The following GBE1 variants were observed in gnomAD, a reference collection of about 807,000 sequenced individuals.
The protein encoded by GBE1 is 1,4-alpha-glucan-branching enzyme.
Under a neutral mutation model 88.8 loss-of-function variants are expected in GBE1, and 70 were observed. The ratio of observed to expected loss-of-function variants is 0.79; its 90% CI spans 0.65 to 0.96. GBE1 has a LOEUF of 0.96. Among genes scored for constraint, GBE1 ranks in the 40% least tolerant of loss-of-function variants. GBE1 has a pLI of 0.00. For missense variants in GBE1, 872 were observed against 871.0 expected (o/e 1.00, Z -0.01); for synonymous variants, 284 against 300.1 (o/e 0.95, Z 0.56).
chr3:81,750,664 T>C (rs57240384), intron 1 of GBE1, among the ~76,000 whole-genome samples: 14 of 80,914 alleles, frequency 1.7e-4, no homozygotes, highest in Middle Eastern at 4.9e-3. Context: ...TATATGTATA[T>C]ATATATATAC....
chr3:81,754,363 T>C (rs1382910211), intron 1 of GBE1, among the ~76,000 whole-genome samples: 3 of 152,076 alleles, frequency 2.0e-5, no homozygotes, highest in Non-Finnish European at 4.4e-5. Context: ...AGGATTAATA[T>C]TGTTAAAATG....
intron 1 of GBE1, among the ~76,000 whole-genome samples, chr3:81,752,928 G>T (rs865921699): frequency 1.3e-5 from 2 of 152,084 alleles, no homozygotes; most frequent in Middle Eastern, 3.2e-3. Flanking sequence ...TGATATATTA[G>T]TTTGCTAATA....
intron 14 of GBE1, among the ~76,000 whole-genome samples, chr3:81,505,955 C>T (rs145875102): frequency 0.012 from 1,798 of 152,002 alleles, 12 homozygotes; most frequent in Middle Eastern, 0.02. Flanking sequence ...AAATCTAAAG[C>T]CAAAACTATA....
chr3:81,633,159 T>A (rs1047246560), intron 7 of GBE1, among the ~76,000 whole-genome samples: 1 of 152,156 alleles, frequency 6.6e-6, no homozygotes, highest in African/African-American at 2.4e-5. Context: ...TCAATGCTTG[T>A]AGTTATGTTT....
At chr3:81,750,879 C>T (rs574413371) in intron 1 of GBE1, among the ~76,000 whole-genome samples, 7 of 150,776 alleles carry the variant, frequency 4.6e-5, no homozygotes, top group Admixed American at 4.6e-4. Context: ...CAGGTTTCAC[C>T]ATATTGGCCA....
chr3:81,683,015 AT>A, intron 2 of GBE1, among the ~76,000 whole-genome samples: 1 of 152,312 alleles, frequency 6.6e-6, no homozygotes, highest in Non-Finnish European at 1.5e-5. Context: ...ATATGATACC[AT>A]TTATATGAAA....
chr3:81,645,090 T>A (rs1349716155), intron 6 of GBE1, among the ~76,000 whole-genome samples: 1 of 152,194 alleles, frequency 6.6e-6, no homozygotes, highest in African/African-American at 2.4e-5. Context: ...AAATATATAC[T>A]TTCTGAAGTT....
At chr3:81,747,582 T>G (rs1706434006) in intron 1 of GBE1, among the ~76,000 whole-genome samples, 1 of 152,138 alleles carries the variant, frequency 6.6e-6, no homozygotes, top group African/African-American at 2.4e-5. Flanking sequence ...AGCCAAGCCA[T>G]CACATCCCCT....
chr3:81,750,109 A>T (rs1706475803), intron 1 of GBE1, among the ~76,000 whole-genome samples: 1 of 136,372 alleles, frequency 7.3e-6, no homozygotes, highest in African/African-American at 2.6e-5. Context: ...ACTGCCAATC[A>T]AAATGGTCAA....
At chr3:81,649,387 A>G (rs1174119470) in intron 4 of GBE1, among the ~76,000 whole-genome samples, 3 of 152,100 alleles carry the variant, frequency 2.0e-5, no homozygotes, top group African/African-American at 7.2e-5. Context: ...GGCGGTAAAA[A>G]TTACCCTAGT....
intron 12 of GBE1, among the ~76,000 whole-genome samples, chr3:81,550,833 C>G (rs1703262132): frequency 6.6e-6 from 1 of 152,200 alleles, no homozygotes; most frequent in South Asian, 2.1e-4. Flanking sequence ...AGCAAATAAT[C>G]AAGAAATAAC....
intron 6 of GBE1, among the ~76,000 whole-genome samples, chr3:81,645,562 T>C (rs1704751222): frequency 6.6e-6 from 1 of 152,182 alleles, no homozygotes; most frequent in Non-Finnish European, 1.5e-5. Flanking sequence ...TTGGAGACAG[T>C]ATTATAGATA....
At chr3:81,522,108 T>TGA (rs1702882090) in intron 14 of GBE1, among the ~76,000 whole-genome samples, 1 of 151,360 alleles carries the variant, frequency 6.6e-6, no homozygotes, top group Non-Finnish European at 1.5e-5. Flanking sequence ...CTGGAAAGTA[T>TGA]CATGAGAATC....
At chr3:81,758,620 A>C (rs1353887246) in intron 1 of GBE1, among the ~76,000 whole-genome samples, 1 of 152,262 alleles carries the variant, frequency 6.6e-6, no homozygotes, top group Non-Finnish European at 1.5e-5. Flanking sequence ...TGGAATTATA[A>C]CAACTAATTG....
intron 7 of GBE1, among the ~76,000 whole-genome samples, chr3:81,621,720 T>C (rs1453546910): frequency 6.6e-6 from 1 of 152,178 alleles, no homozygotes. Flanking sequence ...TCCACCTTAG[T>C]TGAATTTGAT....
intron 1 of GBE1, among the ~76,000 whole-genome samples, chr3:81,711,979 G>C (rs1705874848): frequency 6.6e-6 from 1 of 152,046 alleles, no homozygotes; most frequent in Non-Finnish European, 1.5e-5. Context: ...ACCCCATCAA[G>C]AAGTGGGCGA....
chr3:81,551,689 C>T (rs1253070341), intron 12 of GBE1, among the ~76,000 whole-genome samples: 2 of 152,172 alleles, frequency 1.3e-5, no homozygotes, highest in African/African-American at 4.8e-5. Context: ...TCATGTCTCC[C>T]TAAAATGTAT....
chr3:81,557,549 A>G (rs919630939), intron 12 of GBE1, among the ~76,000 whole-genome samples: 5 of 152,018 alleles, frequency 3.3e-5, no homozygotes, highest in African/African-American at 9.7e-5. Context: ...AAGAAAGGGT[A>G]TCAAGATTTA....
At chr3:81,749,744 C>T (rs1288716440) in intron 1 of GBE1, among the ~76,000 whole-genome samples, 1 of 152,192 alleles carries the variant, frequency 6.6e-6, no homozygotes, top group African/African-American at 2.4e-5. Flanking sequence ...GAGGAGCCTT[C>T]TCTAAACTCT....
Sources: allele counts gnomAD v4.1 joint callset (sites outside exome capture counted in the v4.1 genomes callset), GRCh38; gene constraint gnomAD v4.1.1; transcripts MANE v1.5; gene names NCBI Gene and HGNC (gene_info 2026-07-23, HGNC 2026-07-21).